The following TAFA5 variants were observed in gnomAD, a reference collection of about 807,000 sequenced individuals.
The protein encoded by TAFA5 is TAFA chemokine like family member 5.
Under a neutral mutation model 15.3 loss-of-function variants are expected in TAFA5, and 6 were observed. That is an observed-to-expected ratio of 0.39 (90% CI 0.21 to 0.77). The LOEUF (loss-of-function observed/expected upper bound fraction) is 0.77. Among genes scored for constraint, TAFA5 ranks in the 30% least tolerant of loss-of-function variants. The pLI is 0.41. For missense variants in TAFA5, 161 were observed against 193.1 expected, an observed-to-expected ratio of 0.83 and a Z score of 0.98; for synonymous variants, 103 against 80.7, an observed-to-expected ratio of 1.28 and a Z score of -1.48.
At chr22:48,544,901 C>A (rs1388353437) in intron 1 of TAFA5, 1 of 467,776 alleles carries the variant, frequency 2.1e-6, no homozygotes. Context: ...AAGTCTGCAT[C>A]TGTCCCACCT....
intron 2 of TAFA5, among the ~76,000 whole-genome samples, chr22:48,663,620 T>G (rs1003997885): frequency 4.6e-5 from 7 of 152,222 alleles, no homozygotes; most frequent in African/African-American, 1.7e-4. Flanking sequence ...CCAAAAATAT[T>G]AAATAGAAAT....
intron 2 of TAFA5, among the ~76,000 whole-genome samples, chr22:48,669,438 A>C (rs1927731087): frequency 6.6e-6 from 1 of 152,236 alleles, no homozygotes; most frequent in Non-Finnish European, 1.5e-5. Context: ...ACCCACTTCT[A>C]GAAGGTCAGG....
chr22:48,710,456 T>C (rs916510856), intron 3 of TAFA5, among the ~76,000 whole-genome samples: 4 of 152,134 alleles, frequency 2.6e-5, no homozygotes, highest in African/African-American at 9.7e-5. Flanking sequence ...GTCATTCTCA[T>C]GAAATCTCAT....
At chr22:48,686,184 C>T (rs958912821) in intron 2 of TAFA5, among the ~76,000 whole-genome samples, 1 of 152,204 alleles carries the variant, frequency 6.6e-6, no homozygotes, top group Non-Finnish European at 1.5e-5. Context: ...GCGTCTGAGG[C>T]CGCCAGGGGT....
At chr22:48,585,790 C>G (rs1356240237) in intron 1 of TAFA5, among the ~76,000 whole-genome samples, 5 of 152,002 alleles carry the variant, frequency 3.3e-5, no homozygotes, top group African/African-American at 1.2e-4. Flanking sequence ...CCACACATAC[C>G]CTGTGAAGGC....
chr22:48,630,122 C>A (rs1926163114), intron 1 of TAFA5, among the ~76,000 whole-genome samples: 1 of 152,088 alleles, frequency 6.6e-6, no homozygotes, highest in South Asian at 2.1e-4. Flanking sequence ...ATTCTAGATT[C>A]TCTAAATAGG....
At chr22:48,635,490 C>T (rs1001916505) in intron 1 of TAFA5, among the ~76,000 whole-genome samples, 32 of 152,238 alleles carry the variant, frequency 2.1e-4, no homozygotes, top group African/African-American at 6.8e-4. Context: ...GCTCCTCCTC[C>T]GTGAGGGTGT....
At chr22:48,671,140 A>G (rs1430922307) in intron 2 of TAFA5, among the ~76,000 whole-genome samples, 3 of 152,190 alleles carry the variant, frequency 2.0e-5, no homozygotes, top group Admixed American at 6.5e-5. Context: ...ACAGACATGC[A>G]GGAAACCTGT....
chr22:48,641,973 C>G (rs149975797), intron 1 of TAFA5, among the ~76,000 whole-genome samples: 237 of 152,296 alleles, frequency 1.6e-3, no homozygotes, highest in African/African-American at 5.5e-3. Context: ...AAGAAAAGGC[C>G]GGCGCCGTGG....
chr22:48,598,116 G>A lies in TAFA5; in HGVS notation c.113-48481G>A, dbSNP rs540185514. Among the ~76,000 whole-genome samples, 56 of 152,304 alleles carry A rather than the reference G, an allele frequency of 3.7e-4. No individual in the cohort carries two copies. The highest frequency in any genetic ancestry group is 1.3e-3 in the African/African-American group (55 of 41,570). On this transcript the variant is annotated intron_variant, in intron 1 of 3. Transcript: ENST00000402357. This position sits in a 1 kb window ranked among gnomAD's most constrained non-coding sequence, Gnocchi z 4.0. ...GCAGGGAAGAGGGCAGGCTGGAGAC[G>A]CAGCGAGAGGTGCAGCTGGCGTCGT...
intron 1 of TAFA5, among the ~76,000 whole-genome samples, chr22:48,508,860 A>G (rs1050476951): frequency 2.6e-5 from 4 of 152,158 alleles, no homozygotes; most frequent in Admixed American, 2.6e-4. Flanking sequence ...TAACATCTGC[A>G]GTATATTACT....
intron 3 of TAFA5, among the ~76,000 whole-genome samples, chr22:48,719,291 C>T (rs1385676368): frequency 1.3e-5 from 2 of 152,192 alleles, no homozygotes; most frequent in Non-Finnish European, 2.9e-5. Flanking sequence ...TGGCACGTCC[C>T]GTTCCCCTCG....
chr22:48,505,809 C>CA (rs1920988608), intron 1 of TAFA5, among the ~76,000 whole-genome samples: 2 of 152,218 alleles, frequency 1.3e-5, no homozygotes, highest in African/African-American at 4.8e-5. Flanking sequence ...CTGTTACACT[C>CA]ATGGTTTTGG....
chr22:48,583,949 C>T (rs1305155869), intron 1 of TAFA5, among the ~76,000 whole-genome samples: 1 of 148,616 alleles, frequency 6.7e-6, no homozygotes, highest in Non-Finnish European at 1.5e-5. Context: ...ACACACCATA[C>T]ACACACCACA....
chr22:48,491,340 A>G (rs2147090349), intron 1 of TAFA5, among the ~76,000 whole-genome samples: 1 of 152,260 alleles, frequency 6.6e-6, no homozygotes, highest in South Asian at 2.1e-4. Flanking sequence ...AAGAGGAGGC[A>G]TTTGAATGCA....
intron 3 of TAFA5, among the ~76,000 whole-genome samples, chr22:48,734,643 A>G (rs2147269127): frequency 6.6e-6 from 1 of 152,374 alleles, no homozygotes; most frequent in Middle Eastern, 3.4e-3. Flanking sequence ...TGTTTGGCAA[A>G]GTCCCAGCAC....
At chr22:48,493,379 T>C (rs1288562325) in intron 1 of TAFA5, among the ~76,000 whole-genome samples, 1 of 152,232 alleles carries the variant, frequency 6.6e-6, no homozygotes, top group African/African-American at 2.4e-5. Flanking sequence ...GAGAAGAAAT[T>C]ACAAACAACT....
At chr22:48,627,642 A>C (rs1448215470) in intron 1 of TAFA5, among the ~76,000 whole-genome samples, 2 of 152,244 alleles carry the variant, frequency 1.3e-5, no homozygotes, top group African/African-American at 2.4e-5. Context: ...TGGGAGGCCC[A>C]CGCTGTTGGA....
chr22:48,715,075 A>G (rs1929362403), intron 3 of TAFA5, among the ~76,000 whole-genome samples: 1 of 152,260 alleles, frequency 6.6e-6, no homozygotes, highest in South Asian at 2.1e-4. Context: ...TCATGCCTGG[A>G]AAGAACCTAT....
Sources: allele counts gnomAD v4.1 joint callset (sites outside exome capture counted in the v4.1 genomes callset), GRCh38; gene constraint gnomAD v4.1.1; non-coding constraint Gnocchi (gnomAD v3.1); transcripts MANE v1.5; gene names NCBI Gene and HGNC (gene_info 2026-07-23, HGNC 2026-07-21).